The following CDK15 variants were observed in gnomAD, a reference collection of about 807,000 sequenced individuals.
The protein encoded by CDK15 is cyclin dependent kinase 15.
In CDK15, 62 loss-of-function variants were observed where a neutral mutation model predicts 60.3. That is an observed-to-expected ratio of 1.03 (90% confidence interval 0.84 to 1.27). The LOEUF (loss-of-function observed/expected upper bound fraction) is 1.27, where lower values mean the gene tolerates loss of function less well. CDK15 is among the 50% of genes most tolerant of loss of function. The pLI is 0.00. For synonymous variants in CDK15, 194 were observed against 195.7 expected (o/e 0.99, Z 0.07); for missense variants, 541 against 527.8 (o/e 1.03, Z -0.25).
intron 13 of CDK15, among the ~76,000 whole-genome samples, chr2:201,892,475 A>C (rs1412971648): frequency 6.6e-6 from 1 of 152,234 alleles, no homozygotes; most frequent in Non-Finnish European, 1.5e-5. Context: ...CCTTCCACAA[A>C]AAATTGCTAC....
In CDK15 at chr2:201,894,073, CCACACA is replaced by C. The variant is rs5837794; in HGVS notation, c.*842_*847del. The stretch of plus-strand genomic sequence containing the variant: ...ATGTAATTTAAGCCCTGTTGCACCA[CCACACA>C]CACACACACACACACACACACACAC... On this transcript the variant is annotated 3_prime_UTR_variant, in exon 14 of 14. Coordinates refer to ENST00000652192, the MANE Select transcript of CDK15 (RefSeq NM_001366386.2). 4,311 of 144,130 alleles carry C rather than the reference CCACACA, an allele frequency of 0.03. 87 individuals are homozygous for C. The highest frequency in any genetic ancestry group is 0.047 in the African/African-American group (1,805 of 38,116). 8.9% of individuals were successfully genotyped at this position (144,130 alleles called of 1,614,324 possible).
intron 9 of CDK15, among the ~76,000 whole-genome samples, chr2:201,850,128 A>T (rs1697846581): frequency 6.6e-6 from 1 of 152,100 alleles, no homozygotes; most frequent in African/African-American, 2.4e-5. Context: ...CAGCCTCATA[A>T]ACTGATTTTT....
chr2:201,876,418 G>A (rs1470784896), intron 11 of CDK15: 3 of 432,910 alleles, frequency 6.9e-6, no homozygotes, highest in Admixed American at 2.7e-5. Context: ...CTTGCCAAAG[G>A]CCCAGATCCT....
intron 6 of CDK15, among the ~76,000 whole-genome samples, chr2:201,828,374 A>T (rs1696602677): frequency 6.6e-6 from 1 of 152,178 alleles, no homozygotes; most frequent in African/African-American, 2.4e-5. Context: ...TTTGCCTTTT[A>T]GGATGAGAAG....
At chr2:201,842,958 G>C (rs1225666196) in intron 8 of CDK15, among the ~76,000 whole-genome samples, 1 of 152,200 alleles carries the variant, frequency 6.6e-6, no homozygotes, top group African/African-American at 2.4e-5. Flanking sequence ...TGTAGGGTAA[G>C]AGGAGCCCCA....
chr2:201,868,997 A>C (rs1172540274), intron 10 of CDK15, among the ~76,000 whole-genome samples: 1 of 152,230 alleles, frequency 6.6e-6, no homozygotes, highest in Admixed American at 6.5e-5. Context: ...TAGAACTAGA[A>C]ATACCATTTG....
chr2:201,835,709 G>C lies in CDK15; in HGVS notation c.797G>C (p.Arg266Pro). 2 of 1,610,842 alleles carry C rather than the reference G, an allele frequency of 1.2e-6. No homozygotes were observed. Among genetic ancestry groups the C allele is most frequent in the Non-Finnish European group, 1.7e-6 (2 of 1,178,060 alleles). The change falls in exon 8 of 14, where the codon CGG becomes CCG. Residue 266 changes from arginine to proline, a missense_variant. Physicochemically the swap from Arg to Pro is moderately radical, Grantham distance 103. Transcript: ENST00000652192. ...YSSEVVTLWY[R>P]PPDALLGATE... ...TCAGAAGTCGTGACCCTCTGGTACC[G>C]GCCCCCTGATGCTTTGCTGGGAGCC...
chr2:201,881,703 G>A (rs1699283740), intron 12 of CDK15, among the ~76,000 whole-genome samples: 1 of 152,048 alleles, frequency 6.6e-6, no homozygotes, highest in African/African-American at 2.4e-5. Context: ...GACATTGCAG[G>A]CAGATCCACA....
chr2:201,812,576 A>G lies in CDK15; in HGVS notation c.448+14A>G. 1 of 1,579,520 alleles carries G rather than the reference A, an allele frequency of 6.3e-7. No homozygotes were observed. Among genetic ancestry groups the G allele is most frequent in the Non-Finnish European group, 8.7e-7 (1 of 1,149,200 alleles). On this transcript the variant is annotated intron_variant, in intron 4 of 13. Coordinates refer to ENST00000652192, the MANE Select transcript of CDK15 (RefSeq NM_001366386.2). ...CTATCCGAGAAGGTAAGAACAGCAG[A>G]AATGGACCCAATAGATCTGTTTTGA...
intron 12 of CDK15, among the ~76,000 whole-genome samples, chr2:201,884,390 TATACTTATATACACATAGGG>T (rs1699384808): frequency 1.3e-5 from 2 of 152,224 alleles, no homozygotes; most frequent in Admixed American, 1.3e-4. Context: ...ATTGTTAGAG[TATACTTATATACACATAGGG>T]ATGGAAGAAA....
At chr2:201,850,360 T>C (rs1559134436) in intron 9 of CDK15, among the ~76,000 whole-genome samples, 1 of 152,232 alleles carries the variant, frequency 6.6e-6, no homozygotes, top group African/African-American at 2.4e-5. Context: ...GGTTCTTTAG[T>C]GTTCAGTTAG....
intron 12 of CDK15, among the ~76,000 whole-genome samples, chr2:201,887,743 A>G (rs1393496295): frequency 6.6e-6 from 1 of 152,234 alleles, no homozygotes; most frequent in Non-Finnish European, 1.5e-5. Flanking sequence ...ATCTGCTTTA[A>G]TCGGAAATGT....
At chr2:201,836,169 TTTATATA>T (rs1205995953) in intron 8 of CDK15, among the ~76,000 whole-genome samples, 5 of 97,546 alleles carry the variant, frequency 5.1e-5, no homozygotes, top group African/African-American at 1.8e-4. Context: ...TATTTATATA[TTTATATA>T]TTATATATAT....
intron 11 of CDK15, among the ~76,000 whole-genome samples, chr2:201,872,688 A>G (rs1230286383): frequency 6.9e-6 from 1 of 145,360 alleles, no homozygotes; most frequent in Non-Finnish European, 1.5e-5. Flanking sequence ...AACTTGATTC[A>G]TGGGGGTCAT....
chr2:201,853,214 T>A (rs1281065219), intron 9 of CDK15, among the ~76,000 whole-genome samples: 1 of 152,208 alleles, frequency 6.6e-6, no homozygotes, highest in East Asian at 1.9e-4. Context: ...ATTCCAGGAT[T>A]CTTAGTGTTC....
At chr2:201,853,201 T>C (rs1025800621) in intron 9 of CDK15, among the ~76,000 whole-genome samples, 2 of 152,224 alleles carry the variant, frequency 1.3e-5, no homozygotes, top group Admixed American at 6.5e-5. Flanking sequence ...TTTTTCAAAA[T>C]GGATTCCAGG....
chr2:201,841,240 A>G (rs1697365189), intron 8 of CDK15, among the ~76,000 whole-genome samples: 1 of 152,222 alleles, frequency 6.6e-6, no homozygotes, highest in Admixed American at 6.5e-5. Context: ...ATATACAAAA[A>G]TGTATGTTAT....
At chr2:201,834,023 G>A in intron 7 of CDK15, 52 bp downstream of exon 7, 1 of 1,593,540 alleles carries the variant, frequency 6.3e-7, no homozygotes. Context: ...ATGCTTTTGT[G>A]TGCACTTGTT....
rs1273460485 is a variant in CDK15 at position 201,868,612 on chromosome 2, G to A, written c.1010-3666G>A. On this transcript the variant is annotated intron_variant, in intron 10 of 13. Coordinates refer to ENST00000652192, the MANE Select transcript of CDK15 (RefSeq NM_001366386.2). ...ACTGAGGGTTGCCCCTACAGAATGC[G>A]AGAAAATTTTTGCAATCTACTCATC... is the stretch of plus-strand genomic sequence containing the variant. Among the ~76,000 whole-genome samples, 9 of 151,608 alleles carry A rather than the reference G, an allele frequency of 5.9e-5. No individual in the cohort carries two copies. In the South Asian group the frequency reaches 6.2e-4, roughly 11 times the overall value.
Sources: allele counts gnomAD v4.1 joint callset (sites outside exome capture counted in the v4.1 genomes callset), GRCh38; gene constraint gnomAD v4.1.1; transcripts MANE v1.5; gene names NCBI Gene and HGNC (gene_info 2026-07-23, HGNC 2026-07-21).